PTPRC: variants seen among roughly 807,000 people sequenced by gnomAD.
PTPRC encodes the protein receptor-type tyrosine-protein phosphatase C.
Under a neutral mutation model 155.9 loss-of-function variants are expected in PTPRC, and 44 were observed. The observed-to-expected ratio is 0.28, with a 90% CI of 0.22 to 0.36. The LOEUF is 0.36. PTPRC is among the 10% of genes least tolerant of loss of function. The pLI is 1.00. For missense variants in PTPRC, 1,401 were observed against 1,564.6 expected (o/e 0.90, Z 1.76); for synonymous variants, 525 against 533.1 (o/e 0.98, Z 0.21).
intron 2 of PTPRC, among the ~76,000 whole-genome samples, chr1:198,664,079 T>A (rs1398553954): frequency 1.3e-5 from 2 of 152,106 alleles, no homozygotes; most frequent in African/African-American, 4.8e-5. Flanking sequence ...ATAAATATTA[T>A]TATTTAAGAC....
rs990096694 is a variant in PTPRC at position 198,694,249 on chromosome 1, C to T, written c.100+1876C>T. The T allele has an allele frequency of 5.0e-6, 6 of 1,200,140 alleles. No homozygotes were observed. In the Admixed American group the frequency reaches 2.4e-4, roughly 48 times the overall value. The allele number at this position is 1,200,140 out of a possible 1,614,324, so 74.3% of individuals were successfully genotyped here. On this transcript the variant is annotated intron_variant, in intron 3 of 32. Transcript: ENST00000442510. ...ACCAGAAGACTCAGCAAGCTCACTTCTCCTACCTTCTTGTGCCTGCTTTTT... is the reference window on the plus strand; with the variant it reads ...ACCAGAAGACTCAGCAAGCTCACTTTTCCTACCTTCTTGTGCCTGCTTTTT...
chr1:198,709,869 C>T lies in PTPRC; in HGVS notation c.1171+45C>T, dbSNP rs543252642. 1.1e-5 allele frequency: 18 copies of T among 1,596,198 alleles called. 1 individual carries two copies. Among genetic ancestry groups the T allele is most frequent in the South Asian group, 1.1e-4 (10 of 89,030 alleles). On this transcript the variant is annotated intron_variant, in intron 11 of 32. Transcript: ENST00000442510. Reference sequence around the variant, plus strand: ...TTATATGTAAAATTGCTTCTCTCTTCATGTTCTTATAATTATTTGAGAATC... The same window carrying T: ...TTATATGTAAAATTGCTTCTCTCTTTATGTTCTTATAATTATTTGAGAATC...
intron 2 of PTPRC, among the ~76,000 whole-genome samples, chr1:198,677,043 C>A (rs1664994319): frequency 6.6e-6 from 1 of 152,170 alleles, no homozygotes; most frequent in Non-Finnish European, 1.5e-5. Context: ...ATTTCTGAAT[C>A]TCTTTTGAAA....
At chr1:198,674,995 C>T (rs9803750) in intron 2 of PTPRC, among the ~76,000 whole-genome samples, 60,684 of 151,948 alleles carry the variant, frequency 0.4, 13,879 homozygotes, top group African/African-American at 0.63. Flanking sequence ...ATTTCTTATG[C>T]ATCTTTAGTC....
chr1:198,686,166 TA>T (rs911516562), intron 2 of PTPRC, among the ~76,000 whole-genome samples: 2 of 152,104 alleles, frequency 1.3e-5, no homozygotes, highest in African/African-American at 4.8e-5. Flanking sequence ...TCAGTAACAA[TA>T]CATGTGTTAG....
Position 198,756,973 on chromosome 1 carries a change from A to C in PTPRC, c.*792A>C, listed in dbSNP as rs1054396271. 1 of 151,952 alleles carries C rather than the reference A, an allele frequency of 6.6e-6. No individual in the cohort carries two copies. The highest frequency in any genetic ancestry group is 1.5e-5 in the Non-Finnish European group (1 of 67,870). 9.4% of individuals were successfully genotyped at this position (151,952 alleles called of 1,614,324 possible). Reference sequence around the variant, plus strand: ...TTTGACAACAAATTAGGTTTTGTACAATTGAACTTAAATAAATGTCATTAA... The same window carrying C: ...TTTGACAACAAATTAGGTTTTGTACCATTGAACTTAAATAAATGTCATTAA... On this transcript the variant is annotated 3_prime_UTR_variant, in exon 33 of 33. Transcript: ENST00000442510.
chr1:198,735,907 A>T (rs1340711351), intron 23 of PTPRC, among the ~76,000 whole-genome samples: 1 of 151,608 alleles, frequency 6.6e-6, no homozygotes, highest in Non-Finnish European at 1.5e-5. Context: ...TGATGGTGAA[A>T]ATGTTCTATA....
Position 198,708,164 on chromosome 1 carries a change from A to G in PTPRC, c.936A>G (p.Thr312=). The change falls in exon 10 of 33, where the codon ACA becomes ACG. Residue 312 remains threonine (T), a synonymous_variant. Coordinates refer to ENST00000442510, the MANE Select transcript of PTPRC (RefSeq NM_002838.5). The stretch of plus-strand genomic sequence containing the variant: ...AAAAGTTTCAGTTACATGATTGTAC[A>G]CAAGTTGAAAAAGCAGATACTACTA... ...GVEKFQLHDC[T]QVEKADTTIC... 1.2e-6 allele frequency: 2 copies of G among 1,607,046 alleles called. No homozygotes were observed. Among genetic ancestry groups the G allele is most frequent in the East Asian group, 2.2e-5 (1 of 44,662 alleles).
chr1:198,708,276 T>C lies in PTPRC; in HGVS notation c.1033+15T>C, dbSNP rs766969323. 6.3e-7 allele frequency: 1 copy of C among 1,599,416 alleles called. No individual in the cohort carries two copies. ...ATTTCAGTGTGGTAAGAATATAACA[T>C]TGACCAGAGAATTTTTTTTTGTGGC... On this transcript the variant is annotated intron_variant, in intron 10 of 32. Coordinates refer to ENST00000442510, the MANE Select transcript of PTPRC (RefSeq NM_002838.5).
chr1:198,708,124 T>A lies in PTPRC; in HGVS notation c.905-9T>A. 1 of 1,598,436 alleles carries A rather than the reference T, an allele frequency of 6.3e-7. No individual in the cohort carries two copies. The stretch of plus-strand genomic sequence containing the variant: ...ACTAATCAAGTTTATTTCTGTATCT[T>A]CTTGTCAGGGGTTGAAAAGTTTCAG... On this transcript the variant is annotated splice_polypyrimidine_tract_variant and intron_variant, in intron 9 of 32. Coordinates refer to ENST00000442510, the MANE Select transcript of PTPRC (RefSeq NM_002838.5).
chr1:198,672,771 T>G (rs1056957049), intron 2 of PTPRC, among the ~76,000 whole-genome samples: 4 of 152,086 alleles, frequency 2.6e-5, no homozygotes, highest in African/African-American at 9.7e-5. Flanking sequence ...TACAACCCAC[T>G]GTGCCCAGCA....
At chr1:198,753,677 T>A (rs567175526) in intron 31 of PTPRC, among the ~76,000 whole-genome samples, 2 of 152,186 alleles carry the variant, frequency 1.3e-5, no homozygotes, top group Non-Finnish European at 2.9e-5. Context: ...AGTGTCCTGC[T>A]GATAACATAT....
At chr1:198,753,714 G>A (rs567875214) in intron 31 of PTPRC, among the ~76,000 whole-genome samples, 13 of 152,116 alleles carry the variant, frequency 8.5e-5, no homozygotes, top group African/African-American at 2.6e-4. Flanking sequence ...TTATGATAAT[G>A]CTTTATACTT....
At chr1:198,699,851 A>T in intron 5 of PTPRC, 147 bp downstream of exon 5, 1 of 1,017,776 alleles carries the variant, frequency 9.8e-7, no homozygotes, top group East Asian at 2.5e-5. Context: ...TCTTAGGAAT[A>T]TGAAACCACA....
intron 5 of PTPRC, 68 bp from the exon 6 acceptor site, chr1:198,702,319 T>C (rs774596553): frequency 1.3e-6 from 2 of 1,596,774 alleles, no homozygotes; most frequent in South Asian, 2.2e-5. Flanking sequence ...GTGTTTATGT[T>C]GGCTATCTGG....
intron 20 of PTPRC, among the ~76,000 whole-genome samples, chr1:198,733,911 C>T (rs1255387022): frequency 1.3e-5 from 2 of 151,740 alleles, no homozygotes; most frequent in Non-Finnish European, 2.9e-5. Context: ...TTGTAAATTA[C>T]CACAGCATCG....
Position 198,644,307 on chromosome 1 carries a change from GCATACATAAAGA to G in PTPRC, c.73+4968_73+4979del, listed in dbSNP as rs559403527. Reference sequence around the variant, plus strand: ...CCAAAGGCTTAGTGCTATGACTTTTGCATACATAAAGACCTCACTTTTTAAGATATGATACAC... The same window carrying G: ...CCAAAGGCTTAGTGCTATGACTTTTGCCTCACTTTTTAAGATATGATACAC... On this transcript the variant is annotated intron_variant, in intron 2 of 32. Transcript: ENST00000442510. Among the ~76,000 whole-genome samples, 606 of 151,582 alleles carry G rather than the reference GCATACATAAAGA, an allele frequency of 4.0e-3. 5 individuals carry two copies. Among genetic ancestry groups the G allele is most frequent in the African/African-American group, 0.014 (576 of 41,334 alleles).
chr1:198,676,393 T>C (rs1571817579), intron 2 of PTPRC, among the ~76,000 whole-genome samples: 1 of 152,330 alleles, frequency 6.6e-6, no homozygotes, highest in East Asian at 1.9e-4. Flanking sequence ...TGTACAATTG[T>C]TAAACTTAAG....
chr1:198,753,733 T>C (rs1250899045), intron 31 of PTPRC, among the ~76,000 whole-genome samples: 1 of 152,074 alleles, frequency 6.6e-6, no homozygotes, highest in Non-Finnish European at 1.5e-5. Flanking sequence ...TTCTCATTGT[T>C]TGGTAAACTA....
Sources: gnomAD v4.1 joint callset for allele counts (sites outside exome capture counted in the v4.1 genomes callset) on GRCh38, gnomAD v4.1.1 for gene constraint, MANE v1.5 for transcripts, NCBI Gene and HGNC (gene_info 2026-07-23, HGNC 2026-07-21) for gene names.